Variants in PCCA observed in about 807,000 individuals in gnomAD.
The protein encoded by PCCA is propionyl-CoA carboxylase alpha chain, mitochondrial.
A neutral mutation model predicts 101.3 loss-of-function variants in PCCA; 74 were observed. The ratio of observed to expected loss-of-function variants is 0.73; its 90% confidence interval spans 0.61 to 0.89. The LOEUF (loss-of-function observed/expected upper bound fraction) is 0.89. Among genes scored for constraint, PCCA ranks in the 40% least tolerant of loss-of-function variants. The pLI is 0.00. For synonymous variants in PCCA, 294 were observed against 313.6 expected (o/e 0.94, Z 0.66); for missense variants, 891 against 907.0 (o/e 0.98, Z 0.23).
chr13:100,327,277 G>A (rs1377000228), intron 16 of PCCA, among the ~76,000 whole-genome samples: 2 of 151,990 alleles, frequency 1.3e-5, no homozygotes, highest in African/African-American at 2.4e-5. Context: ...GTCACTGTAG[G>A]CTCGTTTGCA....
rs534001329 is a variant in PCCA, at chr13:100,176,566, C to A, written c.468+19226C>A. On this transcript the variant is annotated intron_variant, in intron 6 of 23. Coordinates refer to ENST00000376285, the MANE Select transcript of PCCA (RefSeq NM_000282.4). ...TTGTGGTGCTAGTCAAAACTTGCAG[C>A]TTAAGAGAATTTGTTCAGAATTGGT... 2.6e-5 allele frequency among the ~76,000 whole-genome samples: 4 copies of A among 152,200 alleles called. No individual in the cohort carries two copies. In the East Asian group the frequency reaches 7.7e-4, roughly 29 times the overall value.
At chr13:100,524,372 C>CGTGTG (rs2087550903) in intron 22 of PCCA, among the ~76,000 whole-genome samples, 2 of 43,080 alleles carry the variant, frequency 4.6e-5, no homozygotes, top group South Asian at 2.0e-3. Context: ...TTCAATTAAG[C>CGTGTG]TCGTGTGTGT....
chr13:100,389,586 T>C (rs1429310812), intron 19 of PCCA, among the ~76,000 whole-genome samples: 1 of 152,128 alleles, frequency 6.6e-6, no homozygotes, highest in Non-Finnish European at 1.5e-5. Flanking sequence ...AGTGTACCTA[T>C]GTAACAAACC....
intron 18 of PCCA, among the ~76,000 whole-genome samples, chr13:100,345,531 A>G (rs2072051454): frequency 6.6e-6 from 1 of 152,206 alleles, no homozygotes; most frequent in South Asian, 2.1e-4. Context: ...CATGAGATTT[A>G]AGGAAAGAAG....
At chr13:100,518,513 C>T (rs1370224642) in intron 22 of PCCA, among the ~76,000 whole-genome samples, 4 of 152,122 alleles carry the variant, frequency 2.6e-5, no homozygotes, top group African/African-American at 9.7e-5. Context: ...AGCAAAAGTT[C>T]CTAATAACTT....
chr13:100,427,492 A>G (rs2152896723), intron 20 of PCCA, among the ~76,000 whole-genome samples: 1 of 152,336 alleles, frequency 6.6e-6, no homozygotes, highest in South Asian at 2.1e-4. Context: ...TAATAGGGAT[A>G]CATATGTAGA....
At chr13:100,507,263 A>G (rs2086151480) in intron 21 of PCCA, among the ~76,000 whole-genome samples, 1 of 152,260 alleles carries the variant, frequency 6.6e-6, no homozygotes, top group African/African-American at 2.4e-5. Flanking sequence ...TTATTCCAGC[A>G]AATTGCCTTT....
At chr13:100,150,805 G>T in intron 4 of PCCA, 2 of 1,585,458 alleles carry the variant, frequency 1.3e-6, no homozygotes, top group South Asian at 1.1e-5. Context: ...CGGACTGAAG[G>T]CTTGGAGCAA....
intron 4 of PCCA, among the ~76,000 whole-genome samples, chr13:100,143,376 C>CA (rs200764060): frequency 0.037 from 5,488 of 149,838 alleles, 326 homozygotes; most frequent in African/African-American, 0.12. Flanking sequence ...ACTAAAAATA[C>CA]AAAAAAAAAT....
At chr13:100,146,783 C>G (rs1172509266) in intron 4 of PCCA, among the ~76,000 whole-genome samples, 1 of 151,190 alleles carries the variant, frequency 6.6e-6, no homozygotes, top group Non-Finnish European at 1.5e-5. Flanking sequence ...GTAAGTTGAC[C>G]TAAGATTTTA....
In PCCA at chr13:100,202,168, CAA is replaced by C. The variant is rs10678691; in HGVS notation, c.469-7145_469-7144del. 1.3e-4 allele frequency among the ~76,000 whole-genome samples: 13 copies of C among 96,780 alleles called. No homozygotes were observed. The South Asian group carries it at 1.7e-3, about 13-fold the overall frequency. 63.5% of individuals were successfully genotyped at this position (96,780 alleles called of 152,430 possible). On this transcript the variant is annotated intron_variant, in intron 6 of 23. Coordinates refer to ENST00000376285, the MANE Select transcript of PCCA (RefSeq NM_000282.4). ...AACATAGCAAGACTCCATCTCTACCCAAAAAAAAAAAAAAAAAAAACTGGGCA... is the reference window on the plus strand; with the variant it reads ...AACATAGCAAGACTCCATCTCTACCCAAAAAAAAAAAAAAAAAACTGGGCA...
intron 1 of PCCA, among the ~76,000 whole-genome samples, chr13:100,097,047 G>C (rs1436306206): frequency 6.6e-6 from 1 of 152,176 alleles, no homozygotes; most frequent in Non-Finnish European, 1.5e-5. Flanking sequence ...AGCAATAACT[G>C]TTTTGAACAA....
chr13:100,391,417 C>A (rs2760306), intron 19 of PCCA, among the ~76,000 whole-genome samples: 46,672 of 151,886 alleles, frequency 0.31, 7,579 homozygotes, highest in East Asian at 0.57. Flanking sequence ...ATTGGAAGTA[C>A]GTGGAATGTT....
In PCCA at chr13:100,209,864, C is replaced by G. The variant is rs1173955344; in HGVS notation, c.600+401C>G. Among the ~76,000 whole-genome samples the G allele has an allele frequency of 2.0e-5, 3 of 151,456 alleles. No individual in the cohort carries two copies. In the East Asian group the frequency reaches 5.9e-4, roughly 30 times the overall value. On this transcript the variant is annotated intron_variant, in intron 7 of 23. Transcript: ENST00000376285. The stretch of plus-strand genomic sequence containing the variant: ...CCAGGCTGGTCTCGAACTCCTGACC[C>G]CAGGTGATCTGCCTGCTTCATCCTC...
intron 1 of PCCA, among the ~76,000 whole-genome samples, chr13:100,095,035 G>A (rs2046642592): frequency 6.6e-6 from 1 of 152,230 alleles, no homozygotes; most frequent in Non-Finnish European, 1.5e-5. Flanking sequence ...GCAGGGCCAT[G>A]CTTCGCCTGA....
At chr13:100,192,905 G>A (rs529809576) in intron 6 of PCCA, among the ~76,000 whole-genome samples, 5 of 152,006 alleles carry the variant, frequency 3.3e-5, no homozygotes, top group Admixed American at 2.0e-4. Context: ...TATTCTTACC[G>A]TGTATTGTTT....
At chr13:100,508,400 G>T (rs2086241406) in intron 21 of PCCA, among the ~76,000 whole-genome samples, 1 of 152,138 alleles carries the variant, frequency 6.6e-6, no homozygotes, top group Non-Finnish European at 1.5e-5. Flanking sequence ...ACATTCATTG[G>T]TCCAGTAAAC....
intron 21 of PCCA, among the ~76,000 whole-genome samples, chr13:100,492,423 C>T (rs988328686): frequency 2.6e-5 from 4 of 152,168 alleles, no homozygotes; most frequent in South Asian, 2.1e-4. Flanking sequence ...CGTGAGCCGC[C>T]GAGCCCGGTG....
chr13:100,520,053 C>T lies in PCCA; in HGVS notation c.2040+4486C>T, dbSNP rs553292166. Reference sequence around the variant, plus strand: ...TTTTCACCCAAACCTCAGATTGTATCTCACAGCATGTACACAGAGATCCAT... The same window carrying T: ...TTTTCACCCAAACCTCAGATTGTATTTCACAGCATGTACACAGAGATCCAT... On this transcript the variant is annotated intron_variant, in intron 22 of 23. Transcript: ENST00000376285. Among the ~76,000 whole-genome samples, 272 of 152,358 alleles carry T rather than the reference C, an allele frequency of 1.8e-3. 1 individual carries two copies. The highest frequency in any genetic ancestry group is 5.9e-3 in the African/African-American group (245 of 41,586).
Sources: gnomAD v4.1 joint callset for allele counts (sites outside exome capture counted in the v4.1 genomes callset) on GRCh38, gnomAD v4.1.1 for gene constraint, MANE v1.5 for transcripts, NCBI Gene and HGNC (gene_info 2026-07-23, HGNC 2026-07-21) for gene names.